NOTCH3: variants seen among roughly 807,000 people sequenced by gnomAD.
NOTCH3 encodes the protein neurogenic locus notch homolog protein 3.
A neutral mutation model predicts 213.3 loss-of-function variants in NOTCH3; 86 were observed. That is an observed-to-expected ratio of 0.40 (90% CI 0.34 to 0.48). The LOEUF is 0.48. Ranked by LOEUF, NOTCH3 falls within the 20% of genes least tolerant of loss-of-function variation. The pLI is 0.57. For missense variants in NOTCH3, 2,783 were observed against 3,272.6 expected, an observed-to-expected ratio of 0.85 and a Z score of 3.65; for synonymous variants, 1,354 against 1,355.9, an observed-to-expected ratio of 1.00 and a Z score of 0.03.
At chr19:15,195,512 T>A (rs936714358) in intron 2 of NOTCH3, among the ~76,000 whole-genome samples, 1 of 147,678 alleles carries the variant, frequency 6.8e-6, no homozygotes, top group Non-Finnish European at 1.5e-5. Flanking sequence ...CCCTCCGGCT[T>A]GTCCCAGACG....
intron 25 of NOTCH3, among the ~76,000 whole-genome samples, chr19:15,172,655 ATTT>A (rs1286243073): frequency 2.7e-5 from 4 of 146,370 alleles, no homozygotes; most frequent in African/African-American, 1.0e-4. Context: ...ATACTTCTAT[ATTT>A]TTTCTTTTTC....
At chr19:15,197,682 G>C in intron 1 of NOTCH3, 104 bp from the exon 2 acceptor site, 2 of 931,156 alleles carry the variant, frequency 2.1e-6, no homozygotes, top group Non-Finnish European at 3.3e-6. Context: ...AGCTGCATGG[G>C]GATGGGGGCG....
At chr19:15,166,114 G>T in intron 29 of NOTCH3, 23 bp from the exon 30 acceptor site, 2 of 1,605,728 alleles carry the variant, frequency 1.2e-6, no homozygotes, top group Non-Finnish European at 1.7e-6. Context: ...GAGTGTGTCA[G>T]CAGGAAGGTA....
rs748889237 is a variant in NOTCH3 at position 15,165,404 on chromosome 19, C to T, written c.5779G>A (p.Ala1927Thr). 2.0e-5 allele frequency: 32 copies of T among 1,609,968 alleles called. No individual in the cohort carries two copies. The East Asian group carries it at 2.7e-4, about 13-fold the overall frequency. ...ACAGCATTGACATCAGCATGGCTGGCGATGAGCTCTTCCACCATGCCCTCT... is the reference window on the plus strand; with the variant it reads ...ACAGCATTGACATCAGCATGGCTGGTGATGAGCTCTTCCACCATGCCCTCT... Reference protein sequence around the residue: ...AVEGMVEELIASHADVNAVDE... With the variant: ...AVEGMVEELITSHADVNAVDE... Residue 1927 changes from alanine to threonine, a missense_variant, in exon 31 of 33, where the codon GCC (alanine) becomes ACC (threonine). Physicochemically the swap from Ala to Thr is moderately conservative, Grantham distance 58. Around this residue, in one of 6 missense-constraint regions of NOTCH3, gnomAD observed 636 missense variants for 801.8 expected, o/e 0.79. Transcript: ENST00000263388. This position sits in a 1 kb window ranked among gnomAD's most constrained non-coding sequence, Gnocchi z 4.7.
chr19:15,194,412 C>G (rs781218200), intron 2 of NOTCH3, among the ~76,000 whole-genome samples: 2 of 152,146 alleles, frequency 1.3e-5, no homozygotes, highest in Admixed American at 6.5e-5. Flanking sequence ...AGGCTCAGCC[C>G]TGCCGATATC....
Position 15,179,376 on chromosome 19 carries a change from G to C in NOTCH3, c.3448C>G (p.Pro1150Ala). 2.5e-6 allele frequency: 4 copies of C among 1,614,120 alleles called. No homozygotes were observed. Among genetic ancestry groups the C allele is most frequent in the Non-Finnish European group, 3.4e-6 (4 of 1,180,040 alleles). The part of the protein sequence containing the change: ...LVARYLCSCP[P>A]GTLGVLCEIN... ...GGCCCTGGCATACCCAGCGTTCCTG[G>C]GGGACAGGAGCAGAGATAGCGGGCC... Residue 1150 changes from proline to alanine, a missense_variant, in exon 21 of 33, where the codon CCA (proline) becomes GCA (alanine). Physicochemically the swap from Pro to Ala is conservative, Grantham distance 27. Transcript: ENST00000263388.
chr19:15,199,802 C>G (rs1331693078), intron 1 of NOTCH3, among the ~76,000 whole-genome samples: 1 of 152,000 alleles, frequency 6.6e-6, no homozygotes, highest in Non-Finnish European at 1.5e-5. Context: ...TCCCGAAACC[C>G]CCACCCCGCC....
chr19:15,196,192 G>C (rs1245064455), intron 2 of NOTCH3, among the ~76,000 whole-genome samples: 1 of 152,138 alleles, frequency 6.6e-6, no homozygotes, highest in Non-Finnish European at 1.5e-5. Context: ...GGCGCCGCGC[G>C]CGCCGGTGAT....
Position 15,188,286 on chromosome 19 carries a change from C to G in NOTCH3, c.1441G>C (p.Gly481Arg). 1.2e-6 allele frequency: 2 copies of G among 1,607,646 alleles called. No homozygotes were observed. The highest frequency in any genetic ancestry group is 1.7e-6 in the Non-Finnish European group (2 of 1,176,974). The change falls in exon 9 of 33, where the codon GGT becomes CGT. Residue 481 changes from glycine (G) to arginine (R), a missense_variant. By Grantham distance (125) the Gly-to-Arg change is moderately radical. This residue lies in a region of NOTCH3 where 708 missense variants were observed against 906.6 expected (regional missense o/e 0.78). Transcript: ENST00000263388. ...TTGACTCGGTCCTTGCAGACCCCAC[C>G]GTTGACACAGGGGCTACTCTGACAC... is the stretch of plus-strand genomic sequence containing the variant. ...DECQSSPCVN[G>R]GVCKDRVNGF...
chr19:15,179,955 A>G, intron 20 of NOTCH3, 117 bp downstream of exon 20: 1 of 697,328 alleles, frequency 1.4e-6, no homozygotes, highest in East Asian at 2.7e-5. Flanking sequence ...GAGTCACAAA[A>G]GCAAAAACTC....
chr19:15,193,791 AAAAAC>A, intron 2 of NOTCH3, among the ~76,000 whole-genome samples: 1 of 141,968 alleles, frequency 7.0e-6, no homozygotes, highest in Non-Finnish European at 1.6e-5. Flanking sequence ...AAAAAACAAA[AAAAAC>A]AAACAGGCCA....
chr19:15,200,825 C>A lies in NOTCH3; in HGVS notation c.81G>T (p.Leu27=). 1 of 1,219,640 alleles carries A rather than the reference C, an allele frequency of 8.2e-7. No individual in the cohort carries two copies. Among genetic ancestry groups the A allele is most frequent in the Non-Finnish European group, 1.0e-6 (1 of 970,906 alleles). The allele number at this position is 1,219,640 out of a possible 1,614,324, so 75.6% of individuals were successfully genotyped here. A position where few individuals can be genotyped will look rare whatever the true frequency, so the allele number is the denominator to read the frequency against. The change falls in exon 1 of 33, where the codon CTG becomes CTT. Residue 27 remains leucine (L), a synonymous_variant. Coordinates refer to ENST00000263388, the MANE Select transcript of NOTCH3 (RefSeq NM_000435.3). Reference sequence around the variant, plus strand: ...GCCCCGCTAGCAGCAGCAGCAGGGGCAGCGCCCGCACGGGTGGCGGTGGCG... The same window carrying A: ...GCCCCGCTAGCAGCAGCAGCAGGGGAAGCGCCCGCACGGGTGGCGGTGGCG... ...PPPPPPPVRA[L]PLLLLLAGPG...
chr19:15,196,050 G>A (rs964425077), intron 2 of NOTCH3, among the ~76,000 whole-genome samples: 21 of 149,502 alleles, frequency 1.4e-4, no homozygotes, highest in African/African-American at 5.1e-4. Context: ...CAGCTTGGGG[G>A]CATCCTTGAA....
chr19:15,173,751 AAGGAGAAGGAGAAGG>A lies in NOTCH3; in HGVS notation c.4736+302_4736+316del, dbSNP rs1568351764. Reference sequence around the variant, plus strand: ...AAAAAAAAAAAAAAAAGAAAAGAAGAAGGAGAAGGAGAAGGAGAAGGAGAAGGAGAAGGAGAAGAA... The same window carrying A: ...AAAAAAAAAAAAAAAAGAAAAGAAGAAGAAGGAGAAGGAGAAGGAGAAGAA... On this transcript the variant is annotated intron_variant, in intron 25 of 32. Transcript: ENST00000263388. Among the ~76,000 whole-genome samples, 397 of 146,800 alleles carry A rather than the reference AAGGAGAAGGAGAAGG, an allele frequency of 2.7e-3. 20 individuals carry two copies. Among genetic ancestry groups the A allele is most frequent in the African/African-American group, 8.8e-3 (336 of 38,298 alleles).
chr19:15,187,628 A>G lies in NOTCH3; in HGVS notation c.1606+253T>C, dbSNP rs1432160244. On this transcript the variant is annotated intron_variant, in intron 10 of 32. Transcript: ENST00000263388. Reference sequence around the variant, plus strand: ...CACCCTCCACTGGAGATGGGAGCACATGGCAGGTGCCAGGGGAAGGTATTG... The same window carrying G: ...CACCCTCCACTGGAGATGGGAGCACGTGGCAGGTGCCAGGGGAAGGTATTG... Among the ~76,000 whole-genome samples, 8 of 151,994 alleles carry G rather than the reference A, an allele frequency of 5.3e-5. No individual in the cohort carries two copies. The South Asian group carries it at 8.3e-4, about 16-fold the overall frequency.
chr19:15,186,462 T>C (rs2046882672), intron 12 of NOTCH3, among the ~76,000 whole-genome samples: 1 of 151,606 alleles, frequency 6.6e-6, no homozygotes, highest in Non-Finnish European at 1.5e-5. Context: ...TGGAGTACAG[T>C]GGCACAATCT....
Position 15,178,926 on chromosome 19 carries a change from G to A in NOTCH3, c.3734C>T (p.Thr1245Ile). Residue 1245 changes from threonine (T) to isoleucine (I), a missense_variant, in exon 23 of 33, where the codon ACT (threonine) becomes ATT (isoleucine). By Grantham distance (89) the Thr-to-Ile change is moderately conservative. Coordinates refer to ENST00000263388, the MANE Select transcript of NOTCH3 (RefSeq NM_000435.3). ...HAGFSGPRCQ[T>I]VLSPCESQPC... ...CTGGGACTCGCAGGGAGACAGGACA[G>A]TCTGACAGCGAGGACCTGAGCGAGC... is the stretch of plus-strand genomic sequence containing the variant. 1 of 1,613,822 alleles carries A rather than the reference G, an allele frequency of 6.2e-7. No homozygotes were observed. Among genetic ancestry groups the A allele is most frequent in the Non-Finnish European group, 8.5e-7 (1 of 1,179,940 alleles).
rs1490985834 is a variant in NOTCH3 at position 15,178,143 on chromosome 19, G to A, written c.3838-53C>T. On this transcript the variant is annotated intron_variant, in intron 23 of 32. Coordinates refer to ENST00000263388, the MANE Select transcript of NOTCH3 (RefSeq NM_000435.3). The stretch of plus-strand genomic sequence containing the variant: ...ATAAAAATGAGGGTGGGGAGTGGAG[G>A]GAAGGAGGAGAAGAAATGGAGGAGT... The A allele has an allele frequency of 5.3e-6, 6 of 1,141,144 alleles. No individual in the cohort carries two copies. In the African/African-American group the frequency reaches 6.3e-5, roughly 12 times the overall value. The allele number at this position is 1,141,144 out of a possible 1,614,324, so 70.7% of individuals were successfully genotyped here. A position where few individuals can be genotyped will look rare whatever the true frequency, so the allele number is the denominator to read the frequency against.
chr19:15,191,741 C>T lies in NOTCH3; in HGVS notation c.802+4G>A, dbSNP rs753955269. ...TCCCCGCTCCCTCTGGCCGCAGTGCCCACCTGTCCACTCAGGAGGGCACTG... is the reference window on the plus strand; with the variant it reads ...TCCCCGCTCCCTCTGGCCGCAGTGCTCACCTGTCCACTCAGGAGGGCACTG... On this transcript the variant is annotated splice_donor_region_variant and intron_variant, in intron 5 of 32. Coordinates refer to ENST00000263388, the MANE Select transcript of NOTCH3 (RefSeq NM_000435.3). 6.2e-7 allele frequency: 1 copy of T among 1,613,834 alleles called. No individual in the cohort carries two copies. Among genetic ancestry groups the T allele is most frequent in the South Asian group, 1.1e-5 (1 of 91,084 alleles).
Sources: gnomAD v4.1 joint callset for allele counts (sites outside exome capture counted in the v4.1 genomes callset) on GRCh38, gnomAD v4.1.1 for gene constraint, gnomAD v4.1.1 regional missense constraint, Gnocchi (gnomAD v3.1) non-coding constraint, MANE v1.5 for transcripts, NCBI Gene and HGNC (gene_info 2026-07-23, HGNC 2026-07-21) for gene names.